Variants in PDS5B observed in about 807,000 individuals in gnomAD.
PDS5B encodes the protein sister chromatid cohesion protein PDS5 homolog B.
PDS5B carries 51 observed loss-of-function variants against 184.1 expected under a neutral mutation model. The observed-to-expected ratio is 0.28, with a 90% CI of 0.22 to 0.35. The LOEUF (loss-of-function observed/expected upper bound fraction) is 0.35. Among genes scored for constraint, PDS5B ranks in the 10% least tolerant of loss-of-function variants. The pLI is 1.00. For missense variants in PDS5B, 1,180 were observed against 1,723.3 expected (o/e 0.68, Z 5.58); for synonymous variants, 566 against 569.2 (o/e 0.99, Z 0.08).
chr13:32,651,586 A>G (rs537797697), intron 2 of PDS5B, among the ~76,000 whole-genome samples: 7 of 152,334 alleles, frequency 4.6e-5, no homozygotes, highest in African/African-American at 1.4e-4. Flanking sequence ...TGGTTAGCAG[A>G]TATTTTGGGT....
intron 3 of PDS5B, among the ~76,000 whole-genome samples, chr13:32,654,757 C>T (rs1425474897): frequency 6.6e-6 from 1 of 152,226 alleles, no homozygotes; most frequent in East Asian, 1.9e-4. Context: ...ATGTTTAGCT[C>T]CTGGTGATAA....
At chr13:32,668,418 T>G (rs1157708066) in intron 7 of PDS5B, among the ~76,000 whole-genome samples, 1 of 152,230 alleles carries the variant, frequency 6.6e-6, no homozygotes, top group Non-Finnish European at 1.5e-5. Context: ...TACTTACTTA[T>G]GGTTGACTAT....
intron 1 of PDS5B, among the ~76,000 whole-genome samples, chr13:32,623,872 C>T (rs981279442): frequency 2.6e-5 from 4 of 152,016 alleles, no homozygotes; most frequent in Admixed American, 1.3e-4. Context: ...AGTGCAGTGG[C>T]GTGATCTTGG....
intron 1 of PDS5B, among the ~76,000 whole-genome samples, chr13:32,625,446 A>C (rs2058356590): frequency 6.6e-6 from 1 of 152,194 alleles, no homozygotes; most frequent in Non-Finnish European, 1.5e-5. Flanking sequence ...ATTAAAAAAA[A>C]AATTCTTTTG....
chr13:32,688,638 C>G, intron 13 of PDS5B, 69 bp downstream of exon 13: 1 of 875,918 alleles, frequency 1.1e-6, no homozygotes, highest in Non-Finnish European at 2.0e-6. Flanking sequence ...GGAAAAGAAA[C>G]TACAAACACC....
At chr13:32,755,511 T>C (rs563428563) in intron 25 of PDS5B, among the ~76,000 whole-genome samples, 2 of 152,270 alleles carry the variant, frequency 1.3e-5, no homozygotes, top group East Asian at 3.9e-4. Context: ...TCTCTCACTC[T>C]TGAATATAGT....
In PDS5B at chr13:32,623,962, C is replaced by G. The variant is rs564029083; in HGVS notation, c.-19-24792C>G. On this transcript the variant is annotated intron_variant, in intron 1 of 34. Coordinates refer to ENST00000315596, the MANE Select transcript of PDS5B (RefSeq NM_015032.4). Reference sequence around the variant, plus strand: ...GAGTAGCTGGGAAGACAGGCGTGTGCCACCACGCCCAGCTAATTTTTGTAT... The same window carrying G: ...GAGTAGCTGGGAAGACAGGCGTGTGGCACCACGCCCAGCTAATTTTTGTAT... Among the ~76,000 whole-genome samples, 4 of 152,158 alleles carry G rather than the reference C, an allele frequency of 2.6e-5. 1 individual carries two copies. The South Asian group carries it at 8.3e-4, about 32-fold the overall frequency.
chr13:32,625,129 CATTTT>C (rs756128584), intron 1 of PDS5B, among the ~76,000 whole-genome samples: 3 of 152,082 alleles, frequency 2.0e-5, no homozygotes, highest in Non-Finnish European at 4.4e-5. Context: ...TTTATTCATT[CATTTT>C]GAGACAAGAT....
chr13:32,666,357 G>A (rs970786027), intron 6 of PDS5B, among the ~76,000 whole-genome samples: 4 of 152,146 alleles, frequency 2.6e-5, no homozygotes, highest in African/African-American at 9.7e-5. Context: ...GGGATTACAA[G>A]TGTGAGCCAC....
chr13:32,598,839 C>A (rs527379016), intron 1 of PDS5B, among the ~76,000 whole-genome samples: 1 of 146,216 alleles, frequency 6.8e-6, no homozygotes, highest in Non-Finnish European at 1.5e-5. Flanking sequence ...GGCACTATCT[C>A]GGCTTACTGC....
At chr13:32,599,129 GTTTC>G (rs1397183819) in intron 1 of PDS5B, among the ~76,000 whole-genome samples, 1 of 150,842 alleles carries the variant, frequency 6.6e-6, no homozygotes, top group African/African-American at 2.5e-5. Context: ...GGTCTCCATT[GTTTC>G]TTTAACTTTC....
At chr13:32,757,147 T>C (rs1238826522) in intron 26 of PDS5B, among the ~76,000 whole-genome samples, 3 of 151,742 alleles carry the variant, frequency 2.0e-5, no homozygotes, top group African/African-American at 2.4e-5. Context: ...AAAAAAAAAT[T>C]AGTTCTATCA....
intron 24 of PDS5B, among the ~76,000 whole-genome samples, chr13:32,748,757 G>T (rs1331450398): frequency 6.6e-6 from 1 of 151,766 alleles, no homozygotes; most frequent in Admixed American, 6.6e-5. Context: ...ATTCTTTCTT[G>T]ACATGAAGAG....
At chr13:32,632,794 T>C (rs2058478386) in intron 1 of PDS5B, among the ~76,000 whole-genome samples, 1 of 152,116 alleles carries the variant, frequency 6.6e-6, no homozygotes, top group South Asian at 2.1e-4. Context: ...ACATATAATA[T>C]TCAGTCATAC....
rs573007329 is a variant in PDS5B, at chr13:32,727,274, T to C, written c.2124-4827T>C. The stretch of plus-strand genomic sequence containing the variant: ...ATTTCCTCCAGTCTTTTAAGTTTTG[T>C]TGTCTTATGTTTTGTTTTTATATGT... On this transcript the variant is annotated intron_variant, in intron 19 of 34. Transcript: ENST00000315596. Among the ~76,000 whole-genome samples, 18 of 152,292 alleles carry C rather than the reference T, an allele frequency of 1.2e-4. No individual in the cohort carries two copies. The South Asian group carries it at 3.5e-3, about 30-fold the overall frequency.
At chr13:32,606,402 T>A (rs965967430) in intron 1 of PDS5B, among the ~76,000 whole-genome samples, 1 of 152,222 alleles carries the variant, frequency 6.6e-6, no homozygotes, top group Non-Finnish European at 1.5e-5. Context: ...GCCCCCACTC[T>A]CTTCTGGCTT....
chr13:32,643,364 T>C (rs879452022), intron 1 of PDS5B, among the ~76,000 whole-genome samples: 3 of 152,162 alleles, frequency 2.0e-5, no homozygotes, highest in African/African-American at 4.8e-5. Flanking sequence ...ACACTTTGCC[T>C]TTATATTTAA....
At chr13:32,609,410 G>A (rs547943629) in intron 1 of PDS5B, among the ~76,000 whole-genome samples, 2 of 152,236 alleles carry the variant, frequency 1.3e-5, no homozygotes, top group South Asian at 4.1e-4. Flanking sequence ...ATCAAGTTAT[G>A]TGCTTGTAGT....
intron 17 of PDS5B, among the ~76,000 whole-genome samples, chr13:32,706,426 G>T (rs540779086): frequency 6.6e-6 from 1 of 151,956 alleles, no homozygotes; most frequent in Non-Finnish European, 1.5e-5. Flanking sequence ...AGGTTTTATT[G>T]TATGTCTGTT....
Sources: gnomAD v4.1 joint callset for allele counts (sites outside exome capture counted in the v4.1 genomes callset) on GRCh38, gnomAD v4.1.1 for gene constraint, MANE v1.5 for transcripts, NCBI Gene and HGNC (gene_info 2026-07-23, HGNC 2026-07-21) for gene names.